Variants in PPP1R7 observed in about 807,000 individuals in gnomAD.
The protein encoded by PPP1R7 is protein phosphatase 1 regulatory subunit 7, also known as protein phosphatase 1 regulatory subunit 22.
PPP1R7 carries 18 observed loss-of-function variants against 45.2 expected under a neutral mutation model. The observed-to-expected ratio is 0.40, with a 90% CI of 0.28 to 0.59. The LOEUF is 0.59. Ranked by LOEUF, PPP1R7 falls within the 20% of genes least tolerant of loss-of-function variation. The probability of loss-of-function intolerance (pLI) is 0.46; values close to 1 mark genes in which losing one functional copy is unlikely to be tolerated. For synonymous variants in PPP1R7, 181 were observed against 183.4 expected, an observed-to-expected ratio of 0.99 and a Z score of 0.11; for missense variants, 314 against 455.8, an observed-to-expected ratio of 0.69 and a Z score of 2.83.
Position 241,183,509 on chromosome 2 carries a change from G to A in PPP1R7, c.*686G>A, listed in dbSNP as rs2068045749. 4.3e-6 allele frequency: 2 copies of A among 465,052 alleles called. No individual in the cohort carries two copies. Among genetic ancestry groups the A allele is most frequent in the Non-Finnish European group, 8.9e-6 (2 of 225,172 alleles). The allele number at this position is 465,052 out of a possible 1,614,324, so 28.8% of individuals were successfully genotyped here. On this transcript the variant is annotated 3_prime_UTR_variant, in exon 10 of 10. Transcript: ENST00000234038. ...TGTCCTGTGTCCCACACGGTGCTGT[G>A]CTGCTGCCAGAATACGAGTCCCATT...
Position 241,163,340 on chromosome 2 carries a change from A to G in PPP1R7, c.653A>G (p.Asn218Ser), listed in dbSNP as rs2067636339. 1.9e-6 allele frequency: 3 copies of G among 1,614,002 alleles called. No individual in the cohort carries two copies. The highest frequency in any genetic ancestry group is 2.5e-6 in the Non-Finnish European group (3 of 1,179,954). ...CTGGAGAGTTTGTTTTTGGGGAAAA[A>G]CAAAATTACTAAACTTCAGAACCTG... Reference protein sequence around the residue: ...TNLESLFLGKNKITKLQNLDA... With the variant: ...TNLESLFLGKSKITKLQNLDA... The change falls in exon 7 of 10, where the codon AAC (asparagine) becomes AGC (serine). Residue 218 changes from asparagine (N) to serine (S), a missense_variant. Physicochemically the swap from Asn to Ser is conservative, Grantham distance 46. This residue lies in a region of PPP1R7 where 168 missense variants were observed against 285.3 expected (regional missense o/e 0.59). Transcript: ENST00000234038.
intron 9 of PPP1R7, among the ~76,000 whole-genome samples, chr2:241,174,335 C>T (rs2067872043): frequency 2.0e-5 from 3 of 152,312 alleles, no homozygotes; most frequent in Admixed American, 2.0e-4. Flanking sequence ...AGTAGTTCTT[C>T]GACCAGCCTT....
chr2:241,163,521 A>G (rs2067640803), intron 7 of PPP1R7, 120 bp downstream of exon 7: 2 of 692,916 alleles, frequency 2.9e-6, no homozygotes, highest in African/African-American at 3.6e-5. Flanking sequence ...CACTATTAGT[A>G]AGCAATTGAA....
intron 4 of PPP1R7, 176 bp from the exon 5 acceptor site, chr2:241,159,037 G>A (rs2067524301): frequency 1.4e-6 from 1 of 733,582 alleles, no homozygotes; most frequent in Non-Finnish European, 2.2e-6. Flanking sequence ...AGGAATTATA[G>A]CTTAGTGCCC....
At chr2:241,166,564 G>T (rs2067716031) in intron 8 of PPP1R7, 123 bp downstream of exon 8, 4 of 781,434 alleles carry the variant, frequency 5.1e-6, no homozygotes, top group Middle Eastern at 6.3e-4. Flanking sequence ...GCCTCTGGAG[G>T]TTTATCAGAA....
intron 7 of PPP1R7, among the ~76,000 whole-genome samples, chr2:241,165,848 C>T (rs550803188): frequency 7.3e-5 from 11 of 151,172 alleles, no homozygotes; most frequent in South Asian, 6.3e-4. Flanking sequence ...CCTCTCGCCT[C>T]GGCCTCCCAA....
intron 4 of PPP1R7, 32 bp downstream of exon 4, chr2:241,158,581 G>A (rs750057145): frequency 3.8e-6 from 6 of 1,582,428 alleles, no homozygotes; most frequent in East Asian, 2.2e-5. Flanking sequence ...GGACTATGAC[G>A]CTCACCCATA....
upstream of PPP1R7, chr2:241,150,322 C>G (rs548086552): frequency 1.8e-5 from 24 of 1,326,118 alleles, no homozygotes; most frequent in South Asian, 4.4e-5. Flanking sequence ...GGAGGCGCGG[C>G]GCGCGGCCTC....
At chr2:241,154,613 G>A (rs1007529710) in intron 2 of PPP1R7, among the ~76,000 whole-genome samples, 2 of 152,210 alleles carry the variant, frequency 1.3e-5, no homozygotes, top group Admixed American at 1.3e-4. Flanking sequence ...GCTGAGGCAG[G>A]AGAATCGCTT....
At chr2:241,172,989 T>G (rs1182345053) in intron 9 of PPP1R7, among the ~76,000 whole-genome samples, 2 of 151,670 alleles carry the variant, frequency 1.3e-5, no homozygotes, top group East Asian at 3.8e-4. Flanking sequence ...AAAAATATTT[T>G]TTAAAAATAA....
At chr2:241,152,698 A>G (rs546636830) in intron 1 of PPP1R7, among the ~76,000 whole-genome samples, 1 of 152,342 alleles carries the variant, frequency 6.6e-6, no homozygotes. Context: ...GATAATTCCA[A>G]GTAATGTGTT....
At position 241,166,958 on chromosome 2, in the gene PPP1R7, C is replaced by T. The variant is rs142346960; in HGVS notation, c.819+517C>T. On this transcript the variant is annotated intron_variant, in intron 8 of 9. Transcript: ENST00000234038. Reference sequence around the variant, plus strand: ...CTCTTCTTACAGTATGAGCAGCTTCCTCCTCCCCCATTCCTCCCTGCCTGC... The same window carrying T: ...CTCTTCTTACAGTATGAGCAGCTTCTTCCTCCCCCATTCCTCCCTGCCTGC... The T allele has an allele frequency of 2.6e-3, 2,980 of 1,145,578 alleles. 6 individuals carry two copies. The highest frequency in any genetic ancestry group is 5.2e-3 in the Middle Eastern group (26 of 5,012). 71.0% of individuals were successfully genotyped at this position (1,145,578 alleles called of 1,614,324 possible).
chr2:241,150,195 C>A, upstream of PPP1R7: 1 of 1,273,186 alleles, frequency 7.9e-7, no homozygotes, highest in Non-Finnish European at 9.9e-7. Flanking sequence ...TAGACGTCCA[C>A]TCCGTCTGCC....
Position 241,153,529 on chromosome 2 carries a change from A to G in PPP1R7, c.106A>G (p.Ser36Gly). The G allele has an allele frequency of 6.2e-7, 1 of 1,614,250 alleles. No individual in the cohort carries two copies. The change falls in exon 2 of 10, where the codon AGC becomes GGC. Residue 36 changes from serine (S) to glycine (G), a missense_variant. Around this residue, in one of 3 missense-constraint regions of PPP1R7, gnomAD observed 112 missense variants for 144.5 expected, o/e 0.78. Transcript: ENST00000234038. The part of the protein sequence containing the change: ...ESGDEEGKKH[S>G]SGIVADLSEQ... ...CGGCGATGAAGAAGGGAAGAAACACAGCAGTGGCATCGTGGCCGACCTCAG... is the reference window on the plus strand; with the variant it reads ...CGGCGATGAAGAAGGGAAGAAACACGGCAGTGGCATCGTGGCCGACCTCAG...
In PPP1R7 at chr2:241,175,272, G is replaced by A. The variant is rs1479529430; in HGVS notation, c.906+5405G>A. ...GTAATGGTGCACAGCCATCACCACC[G>A]TCCATCTCCAGGACTCTTTTCAACT... On this transcript the variant is annotated intron_variant, in intron 9 of 9. Coordinates refer to ENST00000234038, the MANE Select transcript of PPP1R7 (RefSeq NM_002712.3). Among the ~76,000 whole-genome samples, 9 of 152,146 alleles carry A rather than the reference G, an allele frequency of 5.9e-5. 1 individual carries two copies. The highest frequency in any genetic ancestry group is 1.3e-4 in the Non-Finnish European group (9 of 68,034).
At chr2:241,151,948 C>T (rs1289411708) in intron 1 of PPP1R7, among the ~76,000 whole-genome samples, 1 of 152,208 alleles carries the variant, frequency 6.6e-6, no homozygotes, top group South Asian at 2.1e-4. Context: ...TCCCATGTTC[C>T]AGACCCTCTC....
At chr2:241,158,334 C>T (rs1420887506) in intron 3 of PPP1R7, 150 bp from the exon 4 acceptor site, 3 of 693,918 alleles carry the variant, frequency 4.3e-6, no homozygotes, top group Non-Finnish European at 7.7e-6. Flanking sequence ...AGAGCCCCCG[C>T]AGCACACCTT....
At chr2:241,159,423 C>T (rs2067534744) in intron 5 of PPP1R7, 80 bp downstream of exon 5, 4 of 1,542,864 alleles carry the variant, frequency 2.6e-6, no homozygotes, top group Admixed American at 1.8e-5. Flanking sequence ...GAGCCAACCT[C>T]CTGCTGGCTC....
chr2:241,150,656 G>A, intron 1 of PPP1R7, 109 bp downstream of exon 1: 1 of 1,320,670 alleles, frequency 7.6e-7, no homozygotes, highest in Non-Finnish European at 9.8e-7. Flanking sequence ...TCTGGCCGCC[G>A]CCGCGCGGCC....
Sources: allele counts gnomAD v4.1 joint callset (sites outside exome capture counted in the v4.1 genomes callset), GRCh38; gene constraint gnomAD v4.1.1; regional missense constraint gnomAD v4.1.1; transcripts MANE v1.5; gene names NCBI Gene and HGNC (gene_info 2026-07-23, HGNC 2026-07-21).